The following TTN variants were observed in gnomAD, a reference collection of about 807,000 sequenced individuals.
TTN encodes the protein connectin.
In TTN, 1,525 loss-of-function variants were observed where a neutral mutation model predicts 3,223.0. The ratio of observed to expected loss-of-function variants is 0.47; its 90% CI spans 0.45 to 0.49. The LOEUF is 0.49. TTN is among the 20% of genes least tolerant of loss of function. The pLI is 0.00. For missense variants in TTN, 40,786 were observed against 43,424.0 expected, an observed-to-expected ratio of 0.94 and a Z score of 5.40; for synonymous variants, 14,094 against 15,161.0, an observed-to-expected ratio of 0.93 and a Z score of 5.17.
rs199755820 is a variant in TTN, at chr2:178,574,188, T to C, written c.71944A>G (p.Asn23982Asp). Residue 23982 changes from asparagine to aspartate, a missense_variant, in exon 326 of 363, where the codon AAT becomes GAT. By Grantham distance (23) the Asn-to-Asp change is conservative (BLOSUM62 1). Transcript: ENST00000589042. ...LKANFSNILE[N>D]EFTVSGLTED... Reference sequence around the variant, plus strand: ...GTTAGGCCACTGACTGTAAATTCATTCTCCAAAATGTTGCTGAAGTTGGCC... The same window carrying C: ...GTTAGGCCACTGACTGTAAATTCATCCTCCAAAATGTTGCTGAAGTTGGCC... 170 of 1,613,404 alleles carry C rather than the reference T, an allele frequency of 1.1e-4. No homozygotes were observed. Among genetic ancestry groups the C allele is most frequent in the Non-Finnish European group, 1.2e-4 (140 of 1,179,646 alleles).
chr2:178,732,372 G>A (rs777361816), intron 56 of TTN, 25 bp from the exon 57 acceptor site: 1 of 1,576,616 alleles, frequency 6.3e-7, no homozygotes, highest in Non-Finnish European at 8.6e-7. Flanking sequence ...AAGTTATTAA[G>A]AAATGTGAGA....
At position 178,768,119 on chromosome 2, in the gene TTN, A is replaced by G. The variant is rs1435097269; in HGVS notation, c.9200T>C (p.Ile3067Thr). 2.5e-6 allele frequency: 4 copies of G among 1,614,086 alleles called. No homozygotes were observed. The Admixed American group carries it at 5.0e-5, about 20-fold the overall frequency. ...HIEFRKHIKD[I>T]KVLEKKRAMF... ...GGCTCGCTTCTTCTCCAGTACCTTA[A>G]TGTCCTTAATGTGTTTCCTAAATTC... is the stretch of plus-strand genomic sequence containing the variant. The change falls in exon 39 of 363, where the codon ATT (isoleucine) becomes ACT (threonine). Residue 3067 changes from isoleucine to threonine, a missense_variant. Physicochemically the swap from Ile to Thr is moderately conservative, Grantham distance 89. Coordinates refer to ENST00000589042, the MANE Select transcript of TTN (RefSeq NM_001267550.2).
intron 127 of TTN, 81 bp from the exon 128 acceptor site, chr2:178,685,679 A>G: frequency 7.2e-7 from 1 of 1,395,382 alleles, no homozygotes; most frequent in Non-Finnish European, 9.9e-7. Context: ...CACTTCAAAG[A>G]GTAATCAAAA....
chr2:178,637,183 A>ATATATC (rs2060586907), intron 224 of TTN, among the ~76,000 whole-genome samples, 186 bp downstream of exon 224: 1 of 131,194 alleles, frequency 7.6e-6, no homozygotes, highest in South Asian at 2.4e-4. Context: ...ATATATATAT[A>ATATATC]TATATATCTC....
At chr2:178,671,068 T>C (rs902323776) in intron 156 of TTN, 22 bp downstream of exon 156, 4 of 1,587,296 alleles carry the variant, frequency 2.5e-6, no homozygotes, top group East Asian at 2.3e-5. Context: ...AGTTAAGTAG[T>C]AATTTTTCAC....
chr2:178,528,601 T>A lies in TTN; in HGVS notation c.107150A>T (p.Gln35717Leu). 6.2e-7 allele frequency: 1 copy of A among 1,612,994 alleles called. No individual in the cohort carries two copies. Among genetic ancestry groups the A allele is most frequent in the Non-Finnish European group, 8.5e-7 (1 of 1,179,376 alleles). ...QPRSQNINEGQNVLFTCEISG... is the reference protein window; with the variant it reads ...QPRSQNINEGLNVLFTCEISG... Reference sequence around the variant, plus strand: ...GATTTCACAAGTAAAGAGAACATTTTGTCCTTCATTAATATTTTGAGATCT... The same window carrying A: ...GATTTCACAAGTAAAGAGAACATTTAGTCCTTCATTAATATTTTGAGATCT... The change falls in exon 360 of 363, where the codon CAA becomes CTA. Residue 35717 changes from glutamine to leucine, a missense_variant. Physicochemically the swap from Gln to Leu is moderately radical, Grantham distance 113. Coordinates refer to ENST00000589042, the MANE Select transcript of TTN (RefSeq NM_001267550.2).
rs1577384772 is a variant in TTN, at chr2:178,684,745, T to G, written c.32559A>C (p.Pro10853=). 1 of 1,613,568 alleles carries G rather than the reference T, an allele frequency of 6.2e-7. No individual in the cohort carries two copies. Among genetic ancestry groups the G allele is most frequent in the South Asian group, 1.1e-5 (1 of 90,988 alleles). The change falls in exon 131 of 363, where the codon CCA becomes CCC. Residue 10853 remains proline (P), a synonymous_variant. Coordinates refer to ENST00000589042, the MANE Select transcript of TTN (RefSeq NM_001267550.2). The stretch of plus-strand genomic sequence containing the variant: ...CTGGAACTGGTTTCTTTGGCTCTTC[T>G]GGCACTTAAAAGATACCAGGCAATA... ...KKEKVPPPKV[P]EEPKKPVPEK...
chr2:178,604,424 T>G, intron 281 of TTN, 119 bp from the exon 282 acceptor site: 7 of 874,104 alleles, frequency 8.0e-6, no homozygotes, highest in Non-Finnish European at 1.1e-5. Flanking sequence ...ATATATAGAC[T>G]CAAAACATGG....
chr2:178,582,107 T>G lies in TTN; in HGVS notation c.66262A>C (p.Thr22088Pro), dbSNP rs1559509011. The G allele has an allele frequency of 1.2e-6, 2 of 1,613,000 alleles. No homozygotes were observed. The highest frequency in any genetic ancestry group is 1.7e-4 in the Middle Eastern group (1 of 6,050). The change falls in exon 315 of 363, where the codon ACT becomes CCT. Residue 22088 changes from threonine (T) to proline (P), a missense_variant. Coordinates refer to ENST00000589042, the MANE Select transcript of TTN (RefSeq NM_001267550.2). ...TCCCGCTTTTCAAGCAAATAGCCAG[T>G]GATGGGTGAGCCCCCATCATCTGCT... ...PPADDGGSPI[T>P]GYLLEKRETQ...
intron 13 of TTN, 124 bp downstream of exon 13, chr2:178,789,236 T>G: frequency 7.6e-7 from 1 of 1,321,866 alleles, no homozygotes. Flanking sequence ...ATTTGGTTAA[T>G]AGTGACTCAT....
rs1448072807 is a variant in TTN at position 178,630,815 on chromosome 2, G to T, written c.44143C>A (p.Leu14715Ile). Reference sequence around the variant, plus strand: ...AGAAATAGCCTTACAGGTGTTTGGAGTAGGGCCTCTCCCTTGAGTTTCCAG... The same window carrying T: ...AGAAATAGCCTTACAGGTGTTTGGATTAGGGCCTCTCCCTTGAGTTTCCAG... ...ANWKLKGEAL[L>I]QTPDCEIKEE... is the part of the protein sequence containing the mutation. Residue 14715 changes from leucine to isoleucine, a missense_variant, in exon 238 of 363, where the codon CTC becomes ATC. By Grantham distance (5) the Leu-to-Ile change is conservative. Transcript: ENST00000589042. The T allele has an allele frequency of 6.2e-7, 1 of 1,612,592 alleles. No individual in the cohort carries two copies. Among genetic ancestry groups the T allele is most frequent in the African/African-American group, 1.3e-5 (1 of 74,826 alleles).
chr2:178,650,736 C>G lies in TTN; in HGVS notation c.39709+15G>C, dbSNP rs775127613. 4 of 1,583,044 alleles carry G rather than the reference C, an allele frequency of 2.5e-6. No individual in the cohort carries two copies. Among genetic ancestry groups the G allele is most frequent in the South Asian group, 1.2e-5 (1 of 85,336 alleles). On this transcript the variant is annotated intron_variant, in intron 209 of 362. Transcript: ENST00000589042. ...CGCAAGTGGCAAGGTCATTAATCACCGGTCTCACGTGTACCTTCTGGGGGA... is the reference window on the plus strand; with the variant it reads ...CGCAAGTGGCAAGGTCATTAATCACGGGTCTCACGTGTACCTTCTGGGGGA...
chr2:178,607,090 T>C lies in TTN; in HGVS notation c.53512A>G (p.Ile17838Val), dbSNP rs1339075657. The change falls in exon 278 of 363, where the codon ATT (isoleucine) becomes GTT (valine). Residue 17838 changes from isoleucine to valine, a missense_variant. By Grantham distance (29) the Ile-to-Val change is conservative. Transcript: ENST00000589042. ...CCACAGCCAAACTTGTTCTTGGCAA[T>C]AACACGGAACTTATATTCTTGTCCC... Reference protein sequence around the residue: ...LEGQEYKFRVIAKNKFGCGPP... With the variant: ...LEGQEYKFRVVAKNKFGCGPP... 6.2e-7 allele frequency: 1 copy of C among 1,612,404 alleles called. No individual in the cohort carries two copies. Among genetic ancestry groups the C allele is most frequent in the Non-Finnish European group, 8.5e-7 (1 of 1,179,128 alleles).
Position 178,732,640 on chromosome 2 carries a change from T to C in TTN, c.16421A>G (p.Gln5474Arg). ...TCTGATTGTGAGAGGAGTAGATCCTTGGAAAGTGCTCTTCAGGCAGACTGC... is the reference window on the plus strand; with the variant it reads ...TCTGATTGTGAGAGGAGTAGATCCTCGGAAAGTGCTCTTCAGGCAGACTGC... The part of the protein sequence containing the change: ...GSAVCLKSTF[Q>R]GSTPLTIRWF... The change falls in exon 56 of 363, where the codon CAA becomes CGA. Residue 5474 changes from glutamine (Q) to arginine (R), a missense_variant. Transcript: ENST00000589042. The C allele has an allele frequency of 6.2e-7, 1 of 1,612,782 alleles. No individual in the cohort carries two copies. Among genetic ancestry groups the C allele is most frequent in the Non-Finnish European group, 8.5e-7 (1 of 1,179,400 alleles).
Position 178,547,896 on chromosome 2 carries a change from C to A in TTN, c.93730G>T (p.Ala31244Ser). ...TCCAGTTTCCATGTTACTTTGGGGG[C>A]AGGACGACCACTGATTGGTACGTCA... Reference protein sequence around the residue: ...TIDVPISGRPAPKVTWKLEEM... With the variant: ...TIDVPISGRPSPKVTWKLEEM... The change falls in exon 339 of 363, where the codon GCC becomes TCC. Residue 31244 changes from alanine to serine, a missense_variant. Transcript: ENST00000589042. 6.2e-7 allele frequency: 1 copy of A among 1,613,834 alleles called. No individual in the cohort carries two copies. The highest frequency in any genetic ancestry group is 8.5e-7 in the Non-Finnish European group (1 of 1,179,834).
chr2:178,571,589 T>G lies in TTN; in HGVS notation c.74543A>C (p.Lys24848Thr). 6.2e-7 allele frequency: 1 copy of G among 1,613,286 alleles called. No homozygotes were observed. Among genetic ancestry groups the G allele is most frequent in the Non-Finnish European group, 8.5e-7 (1 of 1,179,598 alleles). Residue 24848 changes from lysine (K) to threonine (T), a missense_variant, in exon 326 of 363, where the codon AAA becomes ACA. Physicochemically the swap from Lys to Thr is moderately conservative, Grantham distance 78 (BLOSUM62 -1). Coordinates refer to ENST00000589042, the MANE Select transcript of TTN (RefSeq NM_001267550.2). ...GSSINNYIVE[K>T]RDTSTTTWQI... Reference sequence around the variant, plus strand: ...CCAGGTGGTTGTGGAAGTGTCCCGTTTCTCAACAATGTAATTATTGATAGA... The same window carrying G: ...CCAGGTGGTTGTGGAAGTGTCCCGTGTCTCAACAATGTAATTATTGATAGA...
Position 178,540,273 on chromosome 2 carries a change from T to C in TTN, c.97893A>G (p.Lys32631=). The stretch of plus-strand genomic sequence containing the variant: ...GCATTTCAATCAAGTAGCCTGTGAC[T>C]TTAGATCCTCCTTCATCTTCTGGAA... The part of the protein sequence containing the change: ...WSVPEDEGGS[K]VTGYLIEMQK... The change falls in exon 351 of 363, where the codon AAA becomes AAG. Residue 32631 remains lysine, a synonymous_variant. Coordinates refer to ENST00000589042, the MANE Select transcript of TTN (RefSeq NM_001267550.2). 6.2e-7 allele frequency: 1 copy of C among 1,613,844 alleles called. No homozygotes were observed.
chr2:178,562,879 A>G lies in TTN; in HGVS notation c.83253T>C (p.Asn27751=), dbSNP rs772084217. The change falls in exon 326 of 363, where the codon AAT becomes AAC. Residue 27751 remains asparagine, a synonymous_variant. Coordinates refer to ENST00000589042, the MANE Select transcript of TTN (RefSeq NM_001267550.2). ...TAACAAAAGCTGTTTTGGAGCCACT[A>G]TTATTTTCTAATGTCAGATTATACC... is the stretch of plus-strand genomic sequence containing the variant. ...SGRYNLTLEN[N]SGSKTAFVNV... is the part of the protein sequence containing the mutation. The G allele has an allele frequency of 1.7e-5, 28 of 1,613,160 alleles. No individual in the cohort carries two copies. Among genetic ancestry groups the G allele is most frequent in the Admixed American group, 3.3e-5 (2 of 59,920 alleles).
intron 270 of TTN, 35 bp downstream of exon 270, chr2:178,610,958 G>A: frequency 6.2e-7 from 1 of 1,607,394 alleles, no homozygotes; most frequent in Non-Finnish European, 8.5e-7. Flanking sequence ...CTCTACATGT[G>A]AAGAATGTCT....
Sources: allele counts gnomAD v4.1 joint callset (sites outside exome capture counted in the v4.1 genomes callset), GRCh38; gene constraint gnomAD v4.1.1; transcripts MANE v1.5; gene names NCBI Gene and HGNC (gene_info 2026-07-23, HGNC 2026-07-21).